The following KIRREL3 variants were observed in gnomAD, a reference collection of about 807,000 sequenced individuals.
KIRREL3 encodes kirre like nephrin family adhesion molecule 3, also known as kin of IRRE-like protein 3.
A neutral mutation model predicts 89.7 loss-of-function variants in KIRREL3; 36 were observed. That is an observed-to-expected ratio of 0.40 (90% CI 0.31 to 0.53). The LOEUF is 0.53. KIRREL3 is among the 20% of genes least tolerant of loss of function. KIRREL3 has a pLI of 0.49. For missense variants in KIRREL3, 864 were observed against 1,056.6 expected (o/e 0.82, Z 2.53); for synonymous variants, 445 against 441.4 (o/e 1.01, Z -0.10).
intron 1 of KIRREL3, among the ~76,000 whole-genome samples, chr11:126,878,530 A>AT (rs938805350): frequency 2.0e-5 from 3 of 152,094 alleles, no homozygotes; most frequent in Admixed American, 1.3e-4. Context: ...CCCATATATA[A>AT]TTTTTTTCTA....
intron 4 of KIRREL3, among the ~76,000 whole-genome samples, chr11:126,511,601 G>A (rs1232798941): frequency 6.6e-6 from 1 of 152,142 alleles, no homozygotes; most frequent in Admixed American, 6.5e-5. Flanking sequence ...AACAGTGGGG[G>A]CTCCCTTAGG....
intron 1 of KIRREL3, among the ~76,000 whole-genome samples, chr11:126,774,023 T>C (rs1950097814): frequency 6.6e-6 from 1 of 151,982 alleles, no homozygotes; most frequent in South Asian, 2.1e-4. Flanking sequence ...ATGGGGTCCC[T>C]GGGGTAAAGT....
intron 4 of KIRREL3, among the ~76,000 whole-genome samples, chr11:126,511,529 T>A (rs1335468691): frequency 6.6e-6 from 1 of 152,156 alleles, no homozygotes; most frequent in Admixed American, 6.5e-5. Flanking sequence ...TAGCTGTTAG[T>A]CTTGGCTCCC....
chr11:126,465,114 G>A (rs955457848), intron 5 of KIRREL3, among the ~76,000 whole-genome samples: 11 of 152,084 alleles, frequency 7.2e-5, no homozygotes, highest in Non-Finnish European at 1.3e-4. Context: ...TTGGGGTCTG[G>A]TCAGTATGCA....
In KIRREL3 at chr11:126,764,517, A is replaced by T. The variant is rs1949758659; in HGVS notation, c.56-201605T>A. ...TCATATGCGCCTCTGATGCTCAACA[A>T]CCTTCTTTGCTGCACCCGCCGCTGC... On this transcript the variant is annotated intron_variant, in intron 1 of 16. Coordinates refer to ENST00000525144, the MANE Select transcript of KIRREL3 (RefSeq NM_032531.4). The surrounding 1 kb of genome is among the most constrained non-coding windows in gnomAD (Gnocchi z 4.2). 6.6e-6 allele frequency among the ~76,000 whole-genome samples: 1 copy of T among 151,072 alleles called. No individual in the cohort carries two copies. Among genetic ancestry groups the T allele is most frequent in the African/African-American group, 2.4e-5 (1 of 41,052 alleles).
At chr11:126,670,564 T>C (rs1490993795) in intron 1 of KIRREL3, among the ~76,000 whole-genome samples, 2 of 152,192 alleles carry the variant, frequency 1.3e-5, no homozygotes, top group African/African-American at 4.8e-5. Flanking sequence ...CCAAAGAATC[T>C]GTAAGAAAAC....
chr11:126,907,487 G>A (rs1291904761), intron 1 of KIRREL3, among the ~76,000 whole-genome samples: 1 of 152,200 alleles, frequency 6.6e-6, no homozygotes, highest in Admixed American at 6.5e-5. Flanking sequence ...AAGATGGCTT[G>A]CAGACGCCAG....
At chr11:126,835,087 C>A (rs1943734109) in intron 1 of KIRREL3, among the ~76,000 whole-genome samples, 1 of 152,158 alleles carries the variant, frequency 6.6e-6, no homozygotes, top group South Asian at 2.1e-4. Flanking sequence ...CAGTGAAAGG[C>A]CTGTGATTAA....
At chr11:126,853,343 G>A (rs576209403) in intron 1 of KIRREL3, among the ~76,000 whole-genome samples, 1 of 152,266 alleles carries the variant, frequency 6.6e-6, no homozygotes, top group African/African-American at 2.4e-5. Context: ...TCTATGAACT[G>A]CCATGGAGTT....
Position 126,471,945 on chromosome 11 carries a change from C to T in KIRREL3, c.591+1364G>A, listed in dbSNP as rs1419034936. The stretch of plus-strand genomic sequence containing the variant: ...CCAGAACCCCTGTTGGTAGACACAG[C>T]AGGGCAAGGGCTGTTGGGTAAGGGA... On this transcript the variant is annotated intron_variant, in intron 5 of 16. Coordinates refer to ENST00000525144, the MANE Select transcript of KIRREL3 (RefSeq NM_032531.4). The surrounding 1 kb of genome is among the most constrained non-coding windows in gnomAD (Gnocchi z 5.4). Among the ~76,000 whole-genome samples the T allele has an allele frequency of 6.6e-6, 1 of 152,056 alleles. No individual in the cohort carries two copies. Among genetic ancestry groups the T allele is most frequent in the East Asian group, 1.9e-4 (1 of 5,168 alleles).
At chr11:126,633,152 T>G (rs1944116638) in intron 1 of KIRREL3, among the ~76,000 whole-genome samples, 1 of 152,128 alleles carries the variant, frequency 6.6e-6, no homozygotes, top group Admixed American at 6.6e-5. Flanking sequence ...GATTTGGGTA[T>G]GGTATGTTTG....
chr11:126,543,366 A>G (rs1938524890), intron 2 of KIRREL3, among the ~76,000 whole-genome samples: 1 of 152,160 alleles, frequency 6.6e-6, no homozygotes. Flanking sequence ...ACTCCTTAGA[A>G]GCAGGTGTAG....
chr11:126,829,515 G>A (rs1245140555), intron 1 of KIRREL3, among the ~76,000 whole-genome samples: 3 of 152,102 alleles, frequency 2.0e-5, no homozygotes, highest in Non-Finnish European at 2.9e-5. Context: ...ACCTCGTGTG[G>A]TCTTGTGCCC....
intron 1 of KIRREL3, among the ~76,000 whole-genome samples, chr11:126,921,999 CTAT>C (rs746246329): frequency 1.4e-5 from 2 of 144,948 alleles, no homozygotes; most frequent in Admixed American, 1.4e-4. Context: ...ATCTATCTAT[CTAT>C]CTATCATCTA....
intron 1 of KIRREL3, among the ~76,000 whole-genome samples, chr11:126,895,935 G>A (rs1188226787): frequency 6.6e-6 from 1 of 152,210 alleles, no homozygotes; most frequent in Non-Finnish European, 1.5e-5. Flanking sequence ...AGAAGAAACT[G>A]CAGCGGTGTT....
Position 126,970,603 on chromosome 11 carries a change from G to A in KIRREL3, c.55+29852C>T, listed in dbSNP as rs548083773. Among the ~76,000 whole-genome samples, 10 of 152,218 alleles carry A rather than the reference G, an allele frequency of 6.6e-5. No individual in the cohort carries two copies. The East Asian group carries it at 1.4e-3, about 21-fold the overall frequency. On this transcript the variant is annotated intron_variant, in intron 1 of 16. Coordinates refer to ENST00000525144, the MANE Select transcript of KIRREL3 (RefSeq NM_032531.4). This position sits in a 1 kb window ranked among gnomAD's most constrained non-coding sequence, Gnocchi z 4.4. ...TATTAAGTATCAAATCACAGAACAC[G>A]TTTGCTTTTACTTTTGTGTACTCAG...
chr11:126,687,447 T>A lies in KIRREL3; in HGVS notation c.56-124535A>T, dbSNP rs1254169751. ...CAGGAAATCTCACCCAGCTGGAAGC[T>A]CTCCTGTAAAGAATTCACAAAAATC... On this transcript the variant is annotated intron_variant, in intron 1 of 16. Transcript: ENST00000525144. This position sits in a 1 kb window ranked among gnomAD's most constrained non-coding sequence, Gnocchi z 4.6. Among the ~76,000 whole-genome samples, 1 of 152,062 alleles carries A rather than the reference T, an allele frequency of 6.6e-6. No homozygotes were observed. Among genetic ancestry groups the A allele is most frequent in the African/African-American group, 2.4e-5 (1 of 41,398 alleles).
At chr11:126,726,376 T>G (rs570377711) in intron 1 of KIRREL3, among the ~76,000 whole-genome samples, 1 of 151,866 alleles carries the variant, frequency 6.6e-6, no homozygotes, top group African/African-American at 2.4e-5. Flanking sequence ...ATGCCTCCTT[T>G]TTTTCTTTTT....
At chr11:126,472,015 C>T (rs528436528) in intron 5 of KIRREL3, among the ~76,000 whole-genome samples, 2 of 152,256 alleles carry the variant, frequency 1.3e-5, no homozygotes, top group African/African-American at 4.8e-5. Flanking sequence ...AGCCAGGCAC[C>T]TTGGAGATGG....
Sources: gnomAD v4.1 joint callset for allele counts (sites outside exome capture counted in the v4.1 genomes callset) on GRCh38, gnomAD v4.1.1 for gene constraint, Gnocchi (gnomAD v3.1) non-coding constraint, MANE v1.5 for transcripts, NCBI Gene and HGNC (gene_info 2026-07-23, HGNC 2026-07-21) for gene names.